Variants in AANAT observed in about 807,000 individuals in gnomAD.
AANAT encodes the protein serotonin N-acetyltransferase.
Under a neutral mutation model 15.6 loss-of-function variants are expected in AANAT, and 11 were observed. The observed-to-expected ratio is 0.71, with a 90% CI of 0.44 to 1.17. The LOEUF is 1.17. Ranked by LOEUF, AANAT falls within the 50% of genes most tolerant of loss-of-function variation. AANAT has a pLI of 0.00. For missense variants in AANAT, 286 were observed against 296.3 expected (o/e 0.97, Z 0.26); for synonymous variants, 139 against 131.5 (o/e 1.06, Z -0.39).
At chr17:76,465,748 G>C, upstream of AANAT, 1 of 238,156 alleles carries the variant, frequency 4.2e-6, no homozygotes, top group South Asian at 4.3e-5. Context: ...CAGGACAAAG[G>C]TCCCAGCGAT....
upstream of AANAT, among the ~76,000 whole-genome samples, chr17:76,465,600 G>C (rs1331026172): frequency 2.6e-5 from 4 of 151,990 alleles, no homozygotes; most frequent in African/African-American, 9.7e-5. Flanking sequence ...GCCTCCCAAA[G>C]TGCTGGGATT....
At chr17:76,454,322 G>GAAAA (rs67911712) in intron 1 of AANAT, among the ~76,000 whole-genome samples, 66 of 139,318 alleles carry the variant, frequency 4.7e-4, no homozygotes, top group Non-Finnish European at 7.9e-4. Context: ...TAAAAATACG[G>GAAAA]AAAAAAAAAA....
intron 2 of AANAT, among the ~76,000 whole-genome samples, chr17:76,460,130 A>ATT (rs556197358): frequency 0.038 from 3,309 of 87,706 alleles, 566 homozygotes; most frequent in East Asian, 0.043. Flanking sequence ...ACTTCAGGAA[A>ATT]TTTTTTTTTT....
chr17:76,456,911 T>C (rs1234213579), intron 1 of AANAT, among the ~76,000 whole-genome samples: 1 of 151,934 alleles, frequency 6.6e-6, no homozygotes, highest in Admixed American at 6.6e-5. Context: ...ACCTGAGGAG[T>C]TTCCCCACTC....
At chr17:76,462,765 G>A (rs933467560), upstream of AANAT, among the ~76,000 whole-genome samples, 1 of 152,200 alleles carries the variant, frequency 6.6e-6, no homozygotes, top group Admixed American at 6.5e-5. Flanking sequence ...TTAGTGCAGG[G>A]GAGGAGTTGA....
At chr17:76,458,219 G>A (rs1162292602) in intron 1 of AANAT, among the ~76,000 whole-genome samples, 1 of 128,478 alleles carries the variant, frequency 7.8e-6, no homozygotes, top group South Asian at 2.4e-4. Context: ...CATCTGAGCT[G>A]CTTTAGAGAA....
upstream of AANAT, among the ~76,000 whole-genome samples, chr17:76,463,878 C>G (rs1211455145): frequency 1.3e-5 from 2 of 152,088 alleles, no homozygotes; most frequent in Non-Finnish European, 2.9e-5. Flanking sequence ...ATCAGTTATC[C>G]GCTCAATAAC....
Position 76,469,876 on chromosome 17 carries a change from GC to G in AANAT, c.534del (p.Cys179AlafsTer67). ...GAGAGGTTCAGCTTCCACGCCGTGG[GC>G]CCCTGCGCCATCACCGTGGGCTCCC... Reference protein sequence around the residue: ...FYERFSFHAVGPCAITVGSLT... With the variant: ...FYERFSFHAVXPCAITVGSLT... On this transcript the variant is annotated frameshift_variant, in exon 4 of 4. Transcript: ENST00000392492. LOFTEE classifies it high-confidence loss of function. This position sits in a 1 kb window ranked among gnomAD's most constrained non-coding sequence, Gnocchi z 5.2. 6.3e-7 allele frequency: 1 copy of G among 1,587,830 alleles called. No homozygotes were observed.
intron 1 of AANAT, 65 bp from the exon 2 acceptor site, chr17:76,468,607 A>C (rs781733795): frequency 2.1e-6 from 3 of 1,409,752 alleles, no homozygotes; most frequent in Non-Finnish European, 2.9e-6. Flanking sequence ...GGCCAGATAC[A>C]TACTCTGGGG....
intron 1 of AANAT, among the ~76,000 whole-genome samples, chr17:76,457,178 G>C (rs2073349953): frequency 6.6e-6 from 1 of 152,122 alleles, no homozygotes; most frequent in African/African-American, 2.4e-5. Flanking sequence ...GAGTAGCTGG[G>C]ATTACAGGCG....
upstream of AANAT, chr17:76,465,925 C>T (rs1363972767): frequency 2.0e-6 from 1 of 495,326 alleles, no homozygotes; most frequent in South Asian, 2.0e-5. Flanking sequence ...TGGCGAGTCA[C>T]TACAGCCTCG....
intron 2 of AANAT, among the ~76,000 whole-genome samples, chr17:76,460,168 A>T (rs1395193489): frequency 7.5e-5 from 3 of 40,016 alleles, no homozygotes; most frequent in East Asian, 1.8e-3. Context: ...TTTTTTTTTG[A>T]GACAGAGTCT....
intron 1 of AANAT, among the ~76,000 whole-genome samples, chr17:76,455,605 C>T (rs528974229): frequency 9.0e-5 from 13 of 144,018 alleles, no homozygotes; most frequent in South Asian, 4.8e-4. Flanking sequence ...TTTTTCTACA[C>T]GATCATCAAC....
At position 76,456,675 on chromosome 17, in the gene AANAT, T is replaced by C. The variant is rs548080895; in HGVS notation, c.-575-2572T>C. Among the ~76,000 whole-genome samples, 12 of 152,286 alleles carry C rather than the reference T, an allele frequency of 7.9e-5. No individual in the cohort carries two copies. In the South Asian group the frequency reaches 2.5e-3, roughly 32 times the overall value. ...CCTGGGAGATTAAACAGCAGTAACA[T>C]AGTAGCTTCTGTTCTGCCTCCCATG... On this transcript the variant is annotated intron_variant, in intron 1 of 6. Coordinates refer to the AANAT transcript ENST00000250615.
rs1297282408 is a variant in AANAT, at chr17:76,467,673, C to T, written c.-130C>T. On this transcript the variant is annotated 5_prime_UTR_variant, in exon 1 of 4. Transcript: ENST00000392492. ...CTGGTTCCCGTGCCTGCGGACAGGC[C>T]CCCAGGGCTAGCGGCTTTGTGGAGG... is the stretch of plus-strand genomic sequence containing the variant. 2.0e-6 allele frequency: 2 copies of T among 985,500 alleles called. No individual in the cohort carries two copies. Among genetic ancestry groups the T allele is most frequent in the African/African-American group, 1.7e-5 (1 of 57,354 alleles). 61.0% of individuals were successfully genotyped at this position (985,500 alleles called of 1,614,324 possible). A position where few individuals can be genotyped will look rare whatever the true frequency, so the allele number is the denominator to read the frequency against.
At chr17:76,456,070 G>T (rs577881540) in intron 1 of AANAT, among the ~76,000 whole-genome samples, 1 of 149,906 alleles carries the variant, frequency 6.7e-6, no homozygotes, top group South Asian at 2.1e-4. Flanking sequence ...GGTGGCTCAC[G>T]CCTGTAATCC....
Position 76,469,103 on chromosome 17 carries a change from T to C in AANAT, c.164-70T>C, listed in dbSNP as rs752152016. On this transcript the variant is annotated intron_variant, in intron 2 of 3. Coordinates refer to ENST00000392492, the MANE Select transcript of AANAT (RefSeq NM_001088.3). The surrounding 1 kb of genome is among the most constrained non-coding windows in gnomAD (Gnocchi z 5.2). ...GGGAACGGGGCATCTGAGTGGACAC[T>C]CGGGGTGCAGCAGACAGTGGACGCG... 6.3e-7 allele frequency: 1 copy of C among 1,594,716 alleles called. No homozygotes were observed. Among genetic ancestry groups the C allele is most frequent in the Non-Finnish European group, 8.6e-7 (1 of 1,167,918 alleles).
At chr17:76,453,458 A>C (rs1598633044) in exon 1 of AANAT, 1 of 228,120 alleles carries the variant, frequency 4.4e-6, no homozygotes, top group African/African-American at 2.3e-5. Context: ...GGAAGAGGGG[A>C]GTGGTCGGGG....
At chr17:76,467,932 G>A (rs1050781468) in intron 1 of AANAT, among the ~76,000 whole-genome samples, 4 of 152,170 alleles carry the variant, frequency 2.6e-5, no homozygotes, top group Non-Finnish European at 5.9e-5. Flanking sequence ...TGTCTGATGA[G>A]CTGGATGTGT....
Sources: allele counts gnomAD v4.1 joint callset (sites outside exome capture counted in the v4.1 genomes callset), GRCh38; gene constraint gnomAD v4.1.1; non-coding constraint Gnocchi (gnomAD v3.1); transcripts MANE v1.5; gene names NCBI Gene and HGNC (gene_info 2026-07-23, HGNC 2026-07-21).